The following ZNF814 variants were observed in gnomAD, a reference collection of about 807,000 sequenced individuals.
ZNF814 encodes the protein zinc finger protein 814.
ZNF814 carries 5 observed loss-of-function variants against 7.5 expected under a neutral mutation model. That is an observed-to-expected ratio of 0.67 (90% CI 0.35 to 1.40). The LOEUF is 1.40. ZNF814 is among the 40% of genes most tolerant of loss of function. The pLI is 0.04. For synonymous variants in ZNF814, 315 were observed against 340.7 expected (o/e 0.92, Z 0.83); for missense variants, 962 against 1,018.0 (o/e 0.94, Z 0.75).
At chr19:57,901,885 T>C in the ZNF814 span, among the ~76,000 whole-genome samples, 1 of 152,186 alleles carries the variant, frequency 6.6e-6, no homozygotes, top group Non-Finnish European at 1.5e-5. Flanking sequence ...ATGGACCCTA[T>C]TATTGAGGTG....
the ZNF814 span, among the ~76,000 whole-genome samples, chr19:57,903,857 GT>G: frequency 8.4e-3 from 1,279 of 152,362 alleles, 28 homozygotes; most frequent in African/African-American, 0.03. Flanking sequence ...AGGGAGACAT[GT>G]TGGCAGAAGA....
At position 57,873,995 on chromosome 19, in the gene ZNF814, C is replaced by A. The variant is rs934191482; in HGVS notation, c.1395G>T (p.Lys465Asn). Residue 465 changes from lysine (K) to asparagine (N), a missense_variant, in exon 3 of 3, where the codon AAG becomes AAT. Lys to Asn is a moderately conservative substitution (Grantham distance 94). This residue lies in a region of ZNF814 where 665 missense variants were observed against 551.4 expected (regional missense o/e 1.21). Transcript: ENST00000435989. The part of the protein sequence containing the change: ...QRVHAGERPF[K>N]CGECVKSFSH... The stretch of plus-strand genomic sequence containing the variant: ...TGAAAGATTTCACACATTCTCCACA[C>A]TTGAAAGGTCTTTCTCCGGCGTGAA... 5 of 1,613,794 alleles carry A rather than the reference C, an allele frequency of 3.1e-6. No individual in the cohort carries two copies. The African/African-American group carries it at 5.3e-5, about 17-fold the overall frequency.
chr19:57,901,139 A>C, the ZNF814 span, among the ~76,000 whole-genome samples: 1 of 152,140 alleles, frequency 6.6e-6, no homozygotes, highest in Non-Finnish European at 1.5e-5. Flanking sequence ...CCCAGCAGCC[A>C]TGGCTGCATT....
intron 2 of ZNF814, among the ~76,000 whole-genome samples, chr19:57,875,650 G>A (rs1378474472): frequency 6.6e-6 from 1 of 152,206 alleles, no homozygotes; most frequent in African/African-American, 2.4e-5. Context: ...CAACACTGGA[G>A]AGAACACTGT....
chr19:57,872,266 G>C lies in ZNF814; in HGVS notation c.*556C>G, dbSNP rs1429443131. ...GAAATAACATTCCATATACATCTAT[G>C]GTGTTTTTCTCATGTCAATGTTTGA... On this transcript the variant is annotated 3_prime_UTR_variant, in exon 3 of 3. Transcript: ENST00000435989. Among the ~76,000 whole-genome samples, 4 of 152,168 alleles carry C rather than the reference G, an allele frequency of 2.6e-5. No individual in the cohort carries two copies. The highest frequency in any genetic ancestry group is 1.5e-5 in the Non-Finnish European group (1 of 68,026).
chr19:57,888,879 T>C lies in ZNF814; in HGVS notation c.-77A>G. On this transcript the variant is annotated 5_prime_UTR_variant, in exon 1 of 3. Transcript: ENST00000435989. Reference sequence around the variant, plus strand: ...GATATGGGCACGACGGTCCGTATCCTGGCCCAGGAGTGGGTCACGCTGGGC... The same window carrying C: ...GATATGGGCACGACGGTCCGTATCCCGGCCCAGGAGTGGGTCACGCTGGGC... The C allele has an allele frequency of 4.6e-6, 7 of 1,512,660 alleles. No individual in the cohort carries two copies. Among genetic ancestry groups the C allele is most frequent in the Non-Finnish European group, 6.3e-6 (7 of 1,113,210 alleles). The allele number at this position is 1,512,660 out of a possible 1,614,324, so 93.7% of individuals were successfully genotyped here.
upstream of ZNF814, among the ~76,000 whole-genome samples, chr19:57,892,747 G>T (rs555362640): frequency 4.6e-5 from 7 of 151,684 alleles, no homozygotes; most frequent in South Asian, 6.2e-4. Context: ...CAATGGGAGT[G>T]GGGGGGGCTT....
the ZNF814 span, among the ~76,000 whole-genome samples, chr19:57,902,700 C>A: frequency 2.6e-5 from 4 of 151,406 alleles, no homozygotes. Context: ...TCGCTCTGTC[C>A]CCCAGGCTGG....
In ZNF814 at chr19:57,872,505, G is replaced by A. The variant is rs1314138201; in HGVS notation, c.*317C>T. On this transcript the variant is annotated 3_prime_UTR_variant, in exon 3 of 3. Coordinates refer to ENST00000435989, the MANE Select transcript of ZNF814 (RefSeq NM_001144989.2). ...CCCAAATGTATTTTATTTGTCTAGT[G>A]TGAACTCTCTGATATTCAAGGAGAA... The A allele has an allele frequency of 1.7e-6, 1 of 577,660 alleles. No homozygotes were observed. The highest frequency in any genetic ancestry group is 1.9e-5 in the African/African-American group (1 of 53,536). The allele number at this position is 577,660 out of a possible 1,614,324, so 35.8% of individuals were successfully genotyped here.
intron 1 of ZNF814, among the ~76,000 whole-genome samples, chr19:57,883,130 G>A (rs976393097): frequency 1.1e-4 from 17 of 151,914 alleles, no homozygotes; most frequent in East Asian, 3.9e-4. Flanking sequence ...AGGCCGAGGC[G>A]GGCAGATCAC....
the ZNF814 span, among the ~76,000 whole-genome samples, chr19:57,900,754 C>CT: frequency 6.6e-5 from 10 of 150,638 alleles, no homozygotes; most frequent in Admixed American, 2.0e-4. Flanking sequence ...GTTAAAAAAC[C>CT]TTTTTTTTGC....
chr19:57,883,396 C>T (rs2071664287), intron 1 of ZNF814, among the ~76,000 whole-genome samples: 1 of 150,364 alleles, frequency 6.7e-6, no homozygotes, highest in African/African-American at 2.4e-5. Flanking sequence ...GGCATGATGG[C>T]TCATGCCTGT....
chr19:57,894,240 G>A, the ZNF814 span, among the ~76,000 whole-genome samples: 1 of 149,922 alleles, frequency 6.7e-6, no homozygotes, highest in East Asian at 2.0e-4. Flanking sequence ...GGACATGGTG[G>A]CTGTAGTCCC....
chr19:57,870,602 ATT>A lies in ZNF814; in HGVS notation c.*2218_*2219del, dbSNP rs1377801632. The A allele has an allele frequency of 1.3e-5, 2 of 152,234 alleles. No individual in the cohort carries two copies. Among genetic ancestry groups the A allele is most frequent in the Admixed American group, 6.5e-5 (1 of 15,278 alleles). The allele number at this position is 152,234 out of a possible 1,614,324, so 9.4% of individuals were successfully genotyped here. On this transcript the variant is annotated 3_prime_UTR_variant, in exon 3 of 3. Transcript: ENST00000435989. ...CTGACAATGGCCTCAACAATACAAT[ATT>A]CATCATTATGGAAGTCCTGATAATT...
Position 57,870,860 on chromosome 19 carries a change from G to T in ZNF814, c.*1962C>A, listed in dbSNP as rs1027951008. The stretch of plus-strand genomic sequence containing the variant: ...CTGGGTGTGGTGGCATGTGCCTGTA[G>T]TCCCAGCTACTCAGGAGGCTGAGGC... On this transcript the variant is annotated 3_prime_UTR_variant, in exon 3 of 3. Transcript: ENST00000435989. The T allele has an allele frequency of 5.3e-5, 8 of 152,118 alleles. No individual in the cohort carries two copies. Among genetic ancestry groups the T allele is most frequent in the African/African-American group, 1.9e-4 (8 of 41,514 alleles). 9.4% of individuals were successfully genotyped at this position (152,118 alleles called of 1,614,324 possible).
upstream of ZNF814, among the ~76,000 whole-genome samples, chr19:57,893,671 C>G (rs1346703160): frequency 1.3e-5 from 2 of 151,974 alleles, no homozygotes; most frequent in Non-Finnish European, 2.9e-5. Flanking sequence ...GTAATCCCAG[C>G]TCTTTGGGAG....
At chr19:57,900,839 A>AGTTTTTTTTTTTTT in the ZNF814 span, among the ~76,000 whole-genome samples, 1 of 45,782 alleles carries the variant, frequency 2.2e-5, no homozygotes, top group Non-Finnish European at 3.8e-5. Context: ...CCATGGCTGC[A>AGTTTTTTTTTTTTT]TTTTTTTTTT....
rs192549032 is a variant in ZNF814, at chr19:57,876,555, G to A, written c.163+361C>T. ...GTCTATATAGGCAGTGATGTAGTCT[G>A]TGAAGGCAATTCCTGCCACAGGAAG... On this transcript the variant is annotated intron_variant, in intron 2 of 2. Coordinates refer to ENST00000435989, the MANE Select transcript of ZNF814 (RefSeq NM_001144989.2). 826 of 382,308 alleles carry A rather than the reference G, an allele frequency of 2.2e-3. 10 individuals are homozygous for A. The highest frequency in any genetic ancestry group is 0.016 in the African/African-American group (784 of 48,924). The allele number at this position is 382,308 out of a possible 1,614,324, so 23.7% of individuals were successfully genotyped here.
intron 1 of ZNF814, among the ~76,000 whole-genome samples, chr19:57,883,339 G>A (rs1315537611): frequency 1.2e-4 from 16 of 134,524 alleles, no homozygotes; most frequent in East Asian, 4.4e-4. Flanking sequence ...TAGCCTGGGC[G>A]ACAGCGAGAC....
Sources: gnomAD v4.1 joint callset for allele counts (sites outside exome capture counted in the v4.1 genomes callset) on GRCh38, gnomAD v4.1.1 for gene constraint, gnomAD v4.1.1 regional missense constraint, MANE v1.5 for transcripts, NCBI Gene and HGNC (gene_info 2026-07-23, HGNC 2026-07-21) for gene names.